Variants in PSD3 observed in about 807,000 individuals in gnomAD.
PSD3 encodes the protein pleckstrin and Sec7 domain containing 3.
PSD3 carries 49 observed loss-of-function variants against 105.5 expected under a neutral mutation model. The observed-to-expected ratio is 0.46, with a 90% CI of 0.37 to 0.59. PSD3 has a LOEUF of 0.59. Among genes scored for constraint, PSD3 ranks in the 20% least tolerant of loss-of-function variants. PSD3 has a pLI of 0.00. For missense variants in PSD3, 1,561 were observed against 1,263.8 expected (o/e 1.24, Z -3.57); for synonymous variants, 557 against 457.8 (o/e 1.22, Z -2.77).
chr8:18,645,307 A>G (rs975166108), intron 10 of PSD3, among the ~76,000 whole-genome samples: 1 of 152,252 alleles, frequency 6.6e-6, no homozygotes, highest in African/African-American at 2.4e-5. Context: ...TTCATGTTCA[A>G]TATCATTTTT....
chr8:18,694,230 C>A (rs537154440), intron 9 of PSD3, among the ~76,000 whole-genome samples: 18 of 152,350 alleles, frequency 1.2e-4, no homozygotes, highest in African/African-American at 4.3e-4. Context: ...CCTAACCTGC[C>A]AGCCAACTCT....
chr8:19,034,297 T>C (rs1434869734), intron 1 of PSD3, among the ~76,000 whole-genome samples: 7 of 152,286 alleles, frequency 4.6e-5, no homozygotes, highest in African/African-American at 1.2e-4. Flanking sequence ...GAATACAATA[T>C]AGAAAAGGTT....
At chr8:18,745,658 C>T (rs895612413) in intron 9 of PSD3, among the ~76,000 whole-genome samples, 1 of 152,236 alleles carries the variant, frequency 6.6e-6, no homozygotes, top group Admixed American at 6.5e-5. Flanking sequence ...GGAAGCTACG[C>T]TGCTCATTGA....
intron 1 of PSD3, among the ~76,000 whole-genome samples, chr8:19,038,533 T>G (rs534404783): frequency 6.6e-6 from 1 of 152,328 alleles, no homozygotes; most frequent in East Asian, 1.9e-4. Flanking sequence ...GTAGTGCAAC[T>G]TACTGCAGTC....
At chr8:18,886,338 C>G (rs1012308812) in intron 2 of PSD3, among the ~76,000 whole-genome samples, 3 of 152,084 alleles carry the variant, frequency 2.0e-5, no homozygotes, top group African/African-American at 7.2e-5. Flanking sequence ...CATAGGCATT[C>G]AGAGGGCAGC....
chr8:18,940,933 C>G (rs1822497613), intron 1 of PSD3, among the ~76,000 whole-genome samples: 1 of 152,182 alleles, frequency 6.6e-6, no homozygotes, highest in African/African-American at 2.4e-5. Flanking sequence ...TCAGCTCCAC[C>G]TGCACTGGGG....
Position 18,774,773 on chromosome 8 carries a change from G to C in PSD3, c.2083-9235C>G, listed in dbSNP as rs1045878386. ...GAACACAGGCAACAGATTTGGAAAT[G>C]ACTACAATCTAAGAGAACTGGAATG... On this transcript the variant is annotated intron_variant, in intron 8 of 15. Transcript: ENST00000327040. 5 of 400,402 alleles carry C rather than the reference G, an allele frequency of 1.2e-5. No individual in the cohort carries two copies. In the East Asian group the frequency reaches 3.7e-4, roughly 30 times the overall value. The allele number at this position is 400,402 out of a possible 1,614,324, so 24.8% of individuals were successfully genotyped here. A position where few individuals can be genotyped will look rare whatever the true frequency, so the allele number is the denominator to read the frequency against.
intron 9 of PSD3, among the ~76,000 whole-genome samples, chr8:18,710,587 G>A (rs1440916451): frequency 6.6e-6 from 1 of 152,096 alleles, no homozygotes; most frequent in Non-Finnish European, 1.5e-5. Context: ...AGGGAGCCAG[G>A]GAAAAAGGCC....
chr8:18,608,754 G>T (rs1805044775), intron 11 of PSD3, among the ~76,000 whole-genome samples: 1 of 152,050 alleles, frequency 6.6e-6, no homozygotes, highest in African/African-American at 2.4e-5. Flanking sequence ...AGTAATAATG[G>T]ATTTATGCCA....
rs1799565086 is a variant in PSD3 at position 18,529,960 on chromosome 8, T to C, written c.*5783A>G. The C allele has an allele frequency of 6.6e-6, 1 of 152,316 alleles. No individual in the cohort carries two copies. The highest frequency in any genetic ancestry group is 1.5e-5 in the Non-Finnish European group (1 of 68,040). The allele number at this position is 152,316 out of a possible 1,614,324, so 9.4% of individuals were successfully genotyped here. A position where few individuals can be genotyped will look rare whatever the true frequency, so the allele number is the denominator to read the frequency against. On this transcript the variant is annotated 3_prime_UTR_variant, in exon 16 of 16. Transcript: ENST00000327040. ...AAAATGATATATTTGCAAAAATAGT[T>C]TGAGACTATAGAGTTAATTAACAAC...
At chr8:19,007,243 C>A (rs982619029) in intron 1 of PSD3, among the ~76,000 whole-genome samples, 15 of 134,194 alleles carry the variant, frequency 1.1e-4, no homozygotes, top group African/African-American at 3.4e-4. Flanking sequence ...CAGAGTGAGA[C>A]CCTGTCTCAA....
chr8:18,920,711 C>T (rs969030364), intron 2 of PSD3, among the ~76,000 whole-genome samples: 2 of 152,158 alleles, frequency 1.3e-5, no homozygotes, highest in African/African-American at 2.4e-5. Flanking sequence ...CGAGGCCATA[C>T]AGAATGTAGA....
chr8:18,602,871 C>G (rs1003101080), intron 11 of PSD3, among the ~76,000 whole-genome samples: 6 of 152,176 alleles, frequency 3.9e-5, no homozygotes, highest in South Asian at 2.1e-4. Context: ...ATGACAAGCA[C>G]TGGTCCTCAT....
chr8:18,706,634 G>A (rs1801918641), intron 9 of PSD3, among the ~76,000 whole-genome samples: 1 of 152,212 alleles, frequency 6.6e-6, no homozygotes, highest in South Asian at 2.1e-4. Flanking sequence ...TTTTCATCCA[G>A]CTGGCAATCA....
intron 1 of PSD3, among the ~76,000 whole-genome samples, chr8:18,991,662 G>A (rs1359564009): frequency 6.6e-6 from 1 of 152,104 alleles, no homozygotes; most frequent in African/African-American, 2.4e-5. Context: ...TTAAGTTAGA[G>A]GTGTCATTTT....
chr8:18,906,690 G>A (rs1819872431), intron 2 of PSD3, among the ~76,000 whole-genome samples: 1 of 152,136 alleles, frequency 6.6e-6, no homozygotes, highest in African/African-American at 2.4e-5. Context: ...GCATAAGAAA[G>A]TAATTGTAGT....
chr8:18,650,529 T>C lies in PSD3; in HGVS notation c.2216+5113A>G, dbSNP rs867598515. Among the ~76,000 whole-genome samples the C allele has an allele frequency of 4.6e-5, 7 of 152,318 alleles. No homozygotes were observed. In the South Asian group the frequency reaches 1.4e-3, roughly 32 times the overall value. Reference sequence around the variant, plus strand: ...TAGCAGAGACCTTCCACAAGTCAATTTGACTCACTGCACTCTTCATTACAG... The same window carrying C: ...TAGCAGAGACCTTCCACAAGTCAATCTGACTCACTGCACTCTTCATTACAG... On this transcript the variant is annotated intron_variant, in intron 10 of 15. Coordinates refer to ENST00000327040, the MANE Select transcript of PSD3 (RefSeq NM_015310.4).
At chr8:18,806,245 T>C (rs1356474770) in intron 4 of PSD3, among the ~76,000 whole-genome samples, 1 of 152,184 alleles carries the variant, frequency 6.6e-6, no homozygotes, top group Admixed American at 6.5e-5. Context: ...AGACCTCCAC[T>C]ATTGTTTTTG....
intron 1 of PSD3, among the ~76,000 whole-genome samples, chr8:19,054,972 C>T (rs1194505630): frequency 6.6e-6 from 1 of 152,158 alleles, no homozygotes; most frequent in Admixed American, 6.5e-5. Flanking sequence ...ACTACCTGTT[C>T]ACCCCTGTAC....
Sources: allele counts gnomAD v4.1 joint callset (sites outside exome capture counted in the v4.1 genomes callset), GRCh38; gene constraint gnomAD v4.1.1; transcripts MANE v1.5; gene names NCBI Gene and HGNC (gene_info 2026-07-23, HGNC 2026-07-21).